MYO5A: variants seen among roughly 807,000 people sequenced by gnomAD.
MYO5A encodes the protein myosin VA, also known as unconventional myosin-Va.
Under a neutral mutation model 249.7 loss-of-function variants are expected in MYO5A, and 98 were observed. That is an observed-to-expected ratio of 0.39 (90% CI 0.33 to 0.46). MYO5A has a LOEUF of 0.46. Ranked by LOEUF, MYO5A falls within the 20% of genes least tolerant of loss-of-function variation. MYO5A has a pLI of 0.98. For synonymous variants in MYO5A, 778 were observed against 810.6 expected (o/e 0.96, Z 0.68); for missense variants, 1,696 against 2,308.8 (o/e 0.73, Z 5.44).
At chr15:52,487,426 A>AT in intron 1 of MYO5A, among the ~76,000 whole-genome samples, 1 of 152,044 alleles carries the variant, frequency 6.6e-6, no homozygotes, top group Non-Finnish European at 1.5e-5. Flanking sequence ...AAAATTAAAA[A>AT]AAAATTAAAA....
intron 18 of MYO5A, among the ~76,000 whole-genome samples, chr15:52,376,846 C>T (rs1232889228): frequency 6.6e-6 from 1 of 152,132 alleles, no homozygotes; most frequent in Non-Finnish European, 1.5e-5. Context: ...TTATTATTTG[C>T]TTGTTTGTGT....
intron 1 of MYO5A, among the ~76,000 whole-genome samples, chr15:52,483,158 T>A (rs1401244099): frequency 6.6e-6 from 1 of 152,214 alleles, no homozygotes; most frequent in Non-Finnish European, 1.5e-5. Flanking sequence ...CTGGTTTATC[T>A]TTTCCATACT....
intron 1 of MYO5A, among the ~76,000 whole-genome samples, chr15:52,481,641 G>A (rs1304951534): frequency 6.6e-6 from 1 of 152,138 alleles, no homozygotes; most frequent in Non-Finnish European, 1.5e-5. Flanking sequence ...TGGGCTAGAA[G>A]GACAAATAGG....
chr15:52,352,577 C>T (rs1180604964), intron 27 of MYO5A, among the ~76,000 whole-genome samples: 5 of 152,020 alleles, frequency 3.3e-5, no homozygotes, highest in African/African-American at 7.2e-5. Flanking sequence ...GTCAGGAGAT[C>T]GAGACCATCC....
intron 1 of MYO5A, chr15:52,438,117 G>A (rs2075705220): frequency 1.1e-6 from 1 of 886,218 alleles, no homozygotes; most frequent in African/African-American, 1.8e-5. Flanking sequence ...TCAGTTTGAG[G>A]ATATATACCT....
rs779402364 is a variant in MYO5A, at chr15:52,364,603, C to A, written c.3260G>T (p.Arg1087Leu). 1.2e-6 allele frequency: 2 copies of A among 1,613,814 alleles called. No individual in the cohort carries two copies. Among genetic ancestry groups the A allele is most frequent in the Non-Finnish European group, 1.7e-6 (2 of 1,179,964 alleles). Reference sequence around the variant, plus strand: ...GAGGTCATCATATCTTTCTTCCAGGCGACTGAACTCATTCAGAAGGTTCTG... The same window carrying A: ...GAGGTCATCATATCTTTCTTCCAGGAGACTGAACTCATTCAGAAGGTTCTG... ...RYQNLLNEFS[R>L]LEERYDDLKE... The change falls in exon 24 of 42, where the codon CGC (arginine) becomes CTC (leucine). Residue 1087 changes from arginine (R) to leucine (L), a missense_variant. Physicochemically the swap from Arg to Leu is moderately radical, Grantham distance 102 (BLOSUM62 -2). Around this residue, in one of 5 missense-constraint regions of MYO5A, gnomAD observed 412 missense variants for 453.3 expected, o/e 0.91. Transcript: ENST00000399233.
intron 1 of MYO5A, among the ~76,000 whole-genome samples, chr15:52,497,015 G>A (rs541718298): frequency 1.4e-4 from 21 of 152,270 alleles, no homozygotes; most frequent in African/African-American, 5.1e-4. Flanking sequence ...AGGCTGCACT[G>A]CAGTGACACA....
At chr15:52,405,202 C>A in intron 9 of MYO5A, 85 bp downstream of exon 9, 1 of 968,488 alleles carries the variant, frequency 1.0e-6, no homozygotes, top group Non-Finnish European at 1.6e-6. Flanking sequence ...GATAGAGAGA[C>A]TTAAACTATA....
chr15:52,525,395 T>C (rs191702330), intron 1 of MYO5A, among the ~76,000 whole-genome samples: 13 of 152,334 alleles, frequency 8.5e-5, no homozygotes, highest in Non-Finnish European at 1.5e-5. Context: ...GTCCTTAAAA[T>C]GTTTATACTG....
chr15:52,438,068 G>A (rs1402146848), intron 1 of MYO5A: 2 of 985,002 alleles, frequency 2.0e-6, no homozygotes, highest in Non-Finnish European at 2.4e-6. Flanking sequence ...TAACCAATGA[G>A]ATCAGTGACT....
chr15:52,387,885 C>T lies in MYO5A; in HGVS notation c.1696G>A (p.Glu566Lys), dbSNP rs772384232. 9.9e-6 allele frequency: 16 copies of T among 1,612,282 alleles called. No homozygotes were observed. Among genetic ancestry groups the T allele is most frequent in the Non-Finnish European group, 1.4e-5 (16 of 1,179,030 alleles). ...TCAAAAACGGTGTCTTTATTCTTTT[C>T]GAGAAATCCTTCACACTGGTATTCC... ...KVEYQCEGFLEKNKDTVFEEQ... is the reference protein window; with the variant it reads ...KVEYQCEGFLKKNKDTVFEEQ... The change falls in exon 14 of 42, where the codon GAA becomes AAA. Residue 566 changes from glutamate to lysine, a missense_variant. Glu to Lys is a moderately conservative substitution (Grantham distance 56). Around this residue, in one of 5 missense-constraint regions of MYO5A, gnomAD observed 277 missense variants for 422.4 expected, o/e 0.66. Transcript: ENST00000399233.
At chr15:52,420,534 C>G (rs2043738538) in intron 4 of MYO5A, among the ~76,000 whole-genome samples, 2 of 152,066 alleles carry the variant, frequency 1.3e-5, no homozygotes, top group African/African-American at 4.8e-5. Flanking sequence ...CAACCTTGCT[C>G]TTTCTTGCAT....
At chr15:52,458,000 G>C (rs1053281348) in intron 1 of MYO5A, among the ~76,000 whole-genome samples, 4 of 152,272 alleles carry the variant, frequency 2.6e-5, no homozygotes, top group Non-Finnish European at 5.9e-5. Flanking sequence ...AATAAACCAA[G>C]CACAGAAAAA....
At position 52,405,051 on chromosome 15, in the gene MYO5A, T is replaced by TCACACACACA. The variant is rs58764245; in HGVS notation, c.1053+226_1053+235dup. The stretch of plus-strand genomic sequence containing the variant: ...CCCTCTCTCTTTCTCTCTCTCTCTG[T>TCACACACACA]CACACACACACACACACACACACAC... On this transcript the variant is annotated intron_variant, in intron 9 of 41. Coordinates refer to ENST00000399233, the MANE Select transcript of MYO5A (RefSeq NM_001382347.1). Among the ~76,000 whole-genome samples the TCACACACACA allele has an allele frequency of 6.1e-3, 849 of 140,264 alleles. 8 individuals are homozygous for TCACACACACA. The highest frequency in any genetic ancestry group is 0.04 in the East Asian group (186 of 4,608). The allele number at this position is 140,264 out of a possible 152,430, so 92.0% of individuals were successfully genotyped here.
chr15:52,376,683 C>A, intron 18 of MYO5A, 125 bp from the exon 19 acceptor site: 1 of 877,836 alleles, frequency 1.1e-6, no homozygotes, highest in Non-Finnish European at 1.8e-6. Context: ...GGCTACATCA[C>A]AATTAACTAA....
In MYO5A at chr15:52,343,190, CA is replaced by C; in HGVS notation, c.3966del (p.Ala1323LeufsTer7). 1 of 1,613,636 alleles carries C rather than the reference CA, an allele frequency of 6.2e-7. No homozygotes were observed. The highest frequency in any genetic ancestry group is 8.5e-7 in the Non-Finnish European group (1 of 1,179,534). ...TCATTCAACTCATGGTAATCCAGAG[CA>C]GATGATCTTCCATGCAAAAGGAACA... ...YIGLKETNRS[S>X]ALDYHELNED... is the part of the protein sequence containing the mutation. On this transcript the variant is annotated frameshift_variant, in exon 31 of 42. Transcript: ENST00000399233. LOFTEE classifies it high-confidence loss of function.
chr15:52,397,519 C>T (rs989215263), intron 9 of MYO5A, 53 bp from the exon 10 acceptor site: 3 of 1,590,764 alleles, frequency 1.9e-6, no homozygotes, highest in Admixed American at 1.7e-5. Flanking sequence ...AAGTAAGAAT[C>T]TCTCGGAAAA....
chr15:52,450,549 G>A (rs1163378215), intron 1 of MYO5A, among the ~76,000 whole-genome samples: 2 of 151,350 alleles, frequency 1.3e-5, no homozygotes, highest in Admixed American at 1.3e-4. Flanking sequence ...CACGCCTGTA[G>A]TCCCAGCTAC....
At chr15:52,381,782 T>TCACACACA (rs1555438778) in intron 16 of MYO5A, among the ~76,000 whole-genome samples, 134 of 137,846 alleles carry the variant, frequency 9.7e-4, no homozygotes, top group Non-Finnish European at 1.3e-3. Flanking sequence ...TCTCTCTCTC[T>TCACACACA]CACACACACA....
Sources: allele counts gnomAD v4.1 joint callset (sites outside exome capture counted in the v4.1 genomes callset), GRCh38; gene constraint gnomAD v4.1.1; regional missense constraint gnomAD v4.1.1; transcripts MANE v1.5; gene names NCBI Gene and HGNC (gene_info 2026-07-23, HGNC 2026-07-21).